Variants in FYB2 observed in about 807,000 individuals in gnomAD.
FYB2 encodes FYN binding protein 2.
FYB2 carries 103 observed loss-of-function variants against 94.1 expected under a neutral mutation model. That is an observed-to-expected ratio of 1.09 (90% confidence interval 0.93 to 1.29). The LOEUF is 1.29. FYB2 is among the 50% of genes most tolerant of loss of function. The pLI is 0.00. For synonymous variants in FYB2, 293 were observed against 287.9 expected (o/e 1.02, Z -0.18); for missense variants, 896 against 841.5 (o/e 1.06, Z -0.80).
chr1:56,730,225 A>G (rs1026744954), intron 15 of FYB2, among the ~76,000 whole-genome samples: 1 of 149,968 alleles, frequency 6.7e-6, no homozygotes, highest in African/African-American at 2.4e-5. Flanking sequence ...CAAAAGATCA[A>G]TGAAACAAAA....
At chr1:56,759,480 A>C (rs1380892549) in intron 5 of FYB2, among the ~76,000 whole-genome samples, 1 of 152,198 alleles carries the variant, frequency 6.6e-6, no homozygotes, top group Non-Finnish European at 1.5e-5. Context: ...ACTGTAGGTA[A>C]TTGTAACACA....
intron 1 of FYB2, among the ~76,000 whole-genome samples, chr1:56,799,713 T>G (rs979173889): frequency 4.6e-5 from 7 of 152,186 alleles, no homozygotes; most frequent in Non-Finnish European, 1.0e-4. Context: ...CGTTTTGATC[T>G]CTGCTTTATA....
intron 1 of FYB2, among the ~76,000 whole-genome samples, chr1:56,807,959 A>G (rs762990022): frequency 1.3e-5 from 2 of 152,192 alleles, no homozygotes; most frequent in African/African-American, 2.4e-5. Context: ...GGTAAATAGT[A>G]TATTTTCTAG....
chr1:56,811,990 G>C (rs568331897), intron 1 of FYB2, among the ~76,000 whole-genome samples: 39 of 151,784 alleles, frequency 2.6e-4, no homozygotes, highest in Admixed American at 5.2e-4. Flanking sequence ...GTAAGCCATT[G>C]GCTAATTCAT....
chr1:56,780,301 A>G (rs186031145), intron 4 of FYB2, among the ~76,000 whole-genome samples: 2 of 152,326 alleles, frequency 1.3e-5, no homozygotes, highest in Admixed American at 6.5e-5. Flanking sequence ...GCTCCACCCT[A>G]GGCCAGCCTC....
Position 56,789,117 on chromosome 1 carries a change from T to C in FYB2, c.775A>G (p.Arg259Gly), listed in dbSNP as rs760712597. ...TTTGTTTTGGGAAGGTGGTGATGCC[T>C]GACATCTGGCTGTTTTTCTGAACAC... Reference protein sequence around the residue: ...SQAPEKQPDVRHHHLPKTKPL... With the variant: ...SQAPEKQPDVGHHHLPKTKPL... The change falls in exon 3 of 20, where the codon AGG becomes GGG. Residue 259 changes from arginine to glycine, a missense_variant. By Grantham distance (125) the Arg-to-Gly change is moderately radical. Transcript: ENST00000343433. 19 of 1,589,668 alleles carry C rather than the reference T, an allele frequency of 1.2e-5. No homozygotes were observed. Among genetic ancestry groups the C allele is most frequent in the Non-Finnish European group, 1.6e-5 (19 of 1,169,608 alleles).
chr1:56,822,546 C>A (rs2101142880), upstream of FYB2, among the ~76,000 whole-genome samples: 1 of 152,290 alleles, frequency 6.6e-6, no homozygotes, highest in East Asian at 1.9e-4. Flanking sequence ...CCAAAAAGGG[C>A]CCATCCATTC....
intron 1 of FYB2, among the ~76,000 whole-genome samples, chr1:56,814,686 A>C (rs1300446783): frequency 6.6e-6 from 1 of 152,148 alleles, no homozygotes; most frequent in Non-Finnish European, 1.5e-5. Flanking sequence ...CCTCACCCTA[A>C]ATTATCTGAA....
At chr1:56,754,720 A>T (rs1645283523) in intron 7 of FYB2, among the ~76,000 whole-genome samples, 2 of 151,908 alleles carry the variant, frequency 1.3e-5, no homozygotes, top group South Asian at 4.2e-4. Context: ...CCTCCAAGTA[A>T]CCCCTCACTC....
chr1:56,795,646 T>TA (rs1646380652), intron 1 of FYB2, among the ~76,000 whole-genome samples: 1 of 152,084 alleles, frequency 6.6e-6, no homozygotes, highest in African/African-American at 2.4e-5. Context: ...CACTTTTTTT[T>TA]TTTTACAATA....
At chr1:56,775,844 T>C (rs1484275339) in intron 4 of FYB2, among the ~76,000 whole-genome samples, 1 of 152,166 alleles carries the variant, frequency 6.6e-6, no homozygotes, top group African/African-American at 2.4e-5. Context: ...GAGAAAAGTA[T>C]GTCTGCTAGT....
chr1:56,726,611 A>G (rs769687148), intron 15 of FYB2, 28 bp from the exon 16 acceptor site: 1 of 1,561,832 alleles, frequency 6.4e-7, no homozygotes, highest in Non-Finnish European at 8.8e-7. Context: ...TTGAGCAAGT[A>G]AATTAAGACT....
intron 4 of FYB2, among the ~76,000 whole-genome samples, chr1:56,786,030 G>C (rs1391796993): frequency 6.6e-6 from 1 of 152,188 alleles, no homozygotes; most frequent in Non-Finnish European, 1.5e-5. Flanking sequence ...GCGACTGTAG[G>C]AGAGTGCCCC....
At position 56,792,536 on chromosome 1, in the gene FYB2, A is replaced by G. The variant is rs903431051; in HGVS notation, c.277T>C (p.Ser93Pro). The G allele has an allele frequency of 1.2e-6, 2 of 1,613,958 alleles. No individual in the cohort carries two copies. Among genetic ancestry groups the G allele is most frequent in the African/African-American group, 2.7e-5 (2 of 74,890 alleles). The change falls in exon 2 of 20, where the codon TCC becomes CCC. Residue 93 changes from serine (S) to proline (P), a missense_variant. Ser to Pro is a moderately conservative substitution (Grantham distance 74, BLOSUM62 -1). Transcript: ENST00000343433. ...QKSEIPKCSN[S>P]PGPLGKSTVC... Reference sequence around the variant, plus strand: ...GTAGACTTTCCCAGAGGCCCTGGGGAGTTAGAACATTTTGGAATTTCACTC... The same window carrying G: ...GTAGACTTTCCCAGAGGCCCTGGGGGGTTAGAACATTTTGGAATTTCACTC...
At chr1:56,722,555 G>A (rs750495685) in intron 17 of FYB2, among the ~76,000 whole-genome samples, 1 of 152,040 alleles carries the variant, frequency 6.6e-6, no homozygotes, top group African/African-American at 2.4e-5. Flanking sequence ...AAATGAACGA[G>A]CTAGTCAGAT....
At position 56,738,653 on chromosome 1, in the gene FYB2, A is replaced by G. The variant is rs1644883423; in HGVS notation, c.1704T>C (p.Ser568=). Residue 568 remains serine, a splice_region_variant and synonymous_variant, in exon 14 of 20, where the codon AGT becomes AGC. Transcript: ENST00000343433. The part of the protein sequence containing the change: ...IKKTKSKENL[S]AFSILLPDLE... ...AATCAGGCAGCAAAATGGAAAATGC[A>G]CTGTTGATTGACAAAAGACACAAAA... 6.2e-7 allele frequency: 1 copy of G among 1,610,786 alleles called. No homozygotes were observed. Among genetic ancestry groups the G allele is most frequent in the Non-Finnish European group, 8.5e-7 (1 of 1,178,278 alleles).
chr1:56,765,708 C>G (rs2100798059), intron 5 of FYB2, among the ~76,000 whole-genome samples: 1 of 152,306 alleles, frequency 6.6e-6, no homozygotes, highest in East Asian at 1.9e-4. Flanking sequence ...CCAAAACTGA[C>G]ATATTCGAGG....
intron 4 of FYB2, among the ~76,000 whole-genome samples, chr1:56,774,145 G>A (rs148100700): frequency 6.6e-5 from 10 of 151,792 alleles, no homozygotes; most frequent in Non-Finnish European, 1.2e-4. Flanking sequence ...AACTTGTTTC[G>A]TATACATATT....
At chr1:56,724,872 G>A (rs1384496447) in intron 16 of FYB2, among the ~76,000 whole-genome samples, 1 of 151,952 alleles carries the variant, frequency 6.6e-6, no homozygotes, top group Non-Finnish European at 1.5e-5. Context: ...GTTGGAGGTG[G>A]GGCCTAATGG....
Sources: gnomAD v4.1 joint callset for allele counts (sites outside exome capture counted in the v4.1 genomes callset) on GRCh38, gnomAD v4.1.1 for gene constraint, MANE v1.5 for transcripts, NCBI Gene and HGNC (gene_info 2026-07-23, HGNC 2026-07-21) for gene names.